The following COL15A1 variants were observed in gnomAD, a reference collection of about 807,000 sequenced individuals.
COL15A1 encodes collagen type XV alpha 1 chain.
Under a neutral mutation model 165.9 loss-of-function variants are expected in COL15A1, and 111 were observed. The observed-to-expected ratio is 0.67, with a 90% CI of 0.57 to 0.78. The LOEUF (loss-of-function observed/expected upper bound fraction) is 0.78, where lower values mean the gene tolerates loss of function less well. COL15A1 is among the 30% of genes least tolerant of loss of function. The pLI is 0.00. For synonymous variants in COL15A1, 659 were observed against 674.8 expected, an observed-to-expected ratio of 0.98 and a Z score of 0.36; for missense variants, 1,745 against 1,789.7, an observed-to-expected ratio of 0.98 and a Z score of 0.45.
rs1016086727 is a variant in COL15A1 at position 98,985,716 on chromosome 9, A to G, written c.252A>G (p.Pro84=). Residue 84 remains proline, a synonymous_variant, in exon 3 of 42, where the codon CCA becomes CCG. Transcript: ENST00000375001. ...GCCGCCCAGCCAGGACTCTCATCCC[A>G]TCCACCTTCTTCAGGGACTTCGCCA... ...NVGRPARTLI[P]STFFRDFAIS... The G allele has an allele frequency of 3.7e-6, 6 of 1,614,064 alleles. No homozygotes were observed. Among genetic ancestry groups the G allele is most frequent in the Non-Finnish European group, 5.1e-6 (6 of 1,180,038 alleles).
Position 98,989,252 on chromosome 9 carries a change from A to G in COL15A1, c.798A>G (p.Gln266=), listed in dbSNP as rs147711002. Residue 266 remains glutamine, a synonymous_variant, in exon 5 of 42, where the codon CAA becomes CAG. Transcript: ENST00000375001. ...TCTTAGAAGCCGTCACCTACACTCA[A>G]GCCTCGGTGAGTACTGGGATGCTGT... The part of the protein sequence containing the change: ...AEILEAVTYT[Q]ASPKEAKVEP... 33 of 1,612,808 alleles carry G rather than the reference A, an allele frequency of 2.0e-5. No individual in the cohort carries two copies. The Admixed American group carries it at 4.3e-4, about 21-fold the overall frequency.
intron 34 of COL15A1, 31 bp downstream of exon 34, chr9:99,055,403 C>G (rs375997980): frequency 1.2e-5 from 17 of 1,363,146 alleles, no homozygotes; most frequent in East Asian, 4.6e-5. Context: ...GTCATCTACC[C>G]CAAAGACTTA....
chr9:99,055,131 C>T lies in COL15A1; in HGVS notation c.3061C>T (p.His1021Tyr). The T allele has an allele frequency of 6.2e-7, 1 of 1,613,432 alleles. No individual in the cohort carries two copies. Among genetic ancestry groups the T allele is most frequent in the East Asian group, 2.2e-5 (1 of 44,878 alleles). The change falls in exon 33 of 42, where the codon CAC (histidine) becomes TAC (tyrosine). Residue 1021 changes from histidine (H) to tyrosine (Y), a missense_variant. By Grantham distance (83) the His-to-Tyr change is moderately conservative (BLOSUM62 2). Transcript: ENST00000375001. ...TCCACTTGATCTAGCTTACCTGAGACACTTTCTGAACAACTTGAAGGTGAG... is the reference window on the plus strand; with the variant it reads ...TCCACTTGATCTAGCTTACCTGAGATACTTTCTGAACAACTTGAAGGTGAG... ...GPPLDLAYLRHFLNNLKGENG... is the reference protein window; with the variant it reads ...GPPLDLAYLRYFLNNLKGENG...
chr9:99,024,932 CT>C lies in COL15A1; in HGVS notation c.1914del (p.Asp639MetfsTer39), dbSNP rs780159519. 1 of 1,614,006 alleles carries C rather than the reference CT, an allele frequency of 6.2e-7. No individual in the cohort carries two copies. The highest frequency in any genetic ancestry group is 8.5e-7 in the Non-Finnish European group (1 of 1,179,870). On this transcript the variant is annotated frameshift_variant, in exon 15 of 42. Coordinates refer to ENST00000375001, the MANE Select transcript of COL15A1 (RefSeq NM_001855.5). LOFTEE classifies it high-confidence loss of function. Reference sequence around the variant, plus strand: ...CCTGGGATTCCAGGAAAACCAGGAACTGATGTTTTCATGGGACCCCCTGGAT... The same window carrying C: ...CCTGGGATTCCAGGAAAACCAGGAACGATGTTTTCATGGGACCCCCTGGAT... ...GLPGIPGKPG[T>X]DVFMGPPGSP...
rs1838253776 is a variant in COL15A1 at position 98,982,889 on chromosome 9, C to CAGGAGT, written c.101-2676_101-2675insAGGAGT. Among the ~76,000 whole-genome samples the CAGGAGT allele has an allele frequency of 2.0e-5, 3 of 152,276 alleles. No homozygotes were observed. In the South Asian group the frequency reaches 6.2e-4, roughly 32 times the overall value. On this transcript the variant is annotated intron_variant, in intron 2 of 41. Coordinates refer to ENST00000375001, the MANE Select transcript of COL15A1 (RefSeq NM_001855.5). Reference sequence around the variant, plus strand: ...GCTCAAGTGATCTGCACTCCTTGGCCTCCCAAAGTGTTGGGATTACAGTTG... The same window carrying CAGGAGT: ...GCTCAAGTGATCTGCACTCCTTGGCCAGGAGTTCCCAAAGTGTTGGGATTACAGTTG...
chr9:98,961,843 T>C (rs768260959), intron 2 of COL15A1, among the ~76,000 whole-genome samples: 1 of 152,298 alleles, frequency 6.6e-6, no homozygotes, highest in South Asian at 2.1e-4. Flanking sequence ...TACCTTTACA[T>C]AGCGTAAGAG....
intron 30 of COL15A1, among the ~76,000 whole-genome samples, chr9:99,051,582 A>ACAGCT (rs1839588599): frequency 6.6e-6 from 1 of 152,216 alleles, no homozygotes; most frequent in South Asian, 2.1e-4. Flanking sequence ...CTGCAAGATA[A>ACAGCT]CAGCTTGGAG....
rs1266989030 is a variant in COL15A1 at position 99,063,091 on chromosome 9, C to T, written c.3633C>T (p.Ala1211=). The T allele has an allele frequency of 7.6e-6, 12 of 1,581,260 alleles. No individual in the cohort carries two copies. The highest frequency in any genetic ancestry group is 3.3e-4 in the Middle Eastern group (2 of 6,014). Residue 1211 remains alanine (A), a synonymous_variant, in exon 39 of 42, where the codon GCC becomes GCT. Coordinates refer to ENST00000375001, the MANE Select transcript of COL15A1 (RefSeq NM_001855.5). The part of the protein sequence containing the change: ...LLPPPNPISS[A]NYEKPALHLA... ...CTCCACCAAACCCTATTTCAAGTGC[C>T]AATTATGAGAAGCCTGCTGTAAGTA...
At chr9:98,989,027 C>G (rs1315423357) in intron 4 of COL15A1, 151 bp from the exon 5 acceptor site, 3 of 357,438 alleles carry the variant, frequency 8.4e-6, no homozygotes, top group Non-Finnish European at 1.6e-5. Flanking sequence ...CTCATAGACA[C>G]ACACACACAC....
chr9:99,006,822 A>G (rs1006267234), intron 9 of COL15A1, among the ~76,000 whole-genome samples: 4 of 152,250 alleles, frequency 2.6e-5, no homozygotes, highest in South Asian at 2.1e-4. Flanking sequence ...TAGAAGGGCT[A>G]TCTGTAGAGG....
At chr9:98,969,538 C>A (rs1211559052) in intron 2 of COL15A1, among the ~76,000 whole-genome samples, 3 of 152,214 alleles carry the variant, frequency 2.0e-5, no homozygotes, top group Non-Finnish European at 4.4e-5. Context: ...AGTGGCTGCC[C>A]AGTGGCCAGC....
At chr9:98,959,935 C>T (rs1588491299) in intron 2 of COL15A1, among the ~76,000 whole-genome samples, 1 of 152,356 alleles carries the variant, frequency 6.6e-6, no homozygotes, top group African/African-American at 2.4e-5. Context: ...GGCTCTACCA[C>T]CCTGAACTGC....
At chr9:99,015,773 T>C (rs930403385) in intron 10 of COL15A1, among the ~76,000 whole-genome samples, 3 of 152,150 alleles carry the variant, frequency 2.0e-5, no homozygotes, top group African/African-American at 7.2e-5. Context: ...TGCCCAAGAA[T>C]TTACTCAGAG....
chr9:99,035,348 A>T lies in COL15A1; in HGVS notation c.2221-2A>T. Reference sequence around the variant, plus strand: ...AAATTCTCATTCTTGCTCCTTCCCCAGGATACCGAAGGCTCTGGAAGCACC... The same window carrying T: ...AAATTCTCATTCTTGCTCCTTCCCCTGGATACCGAAGGCTCTGGAAGCACC... On this transcript the variant is annotated splice_acceptor_variant, in intron 18 of 41. Coordinates refer to ENST00000375001, the MANE Select transcript of COL15A1 (RefSeq NM_001855.5). LOFTEE classifies it high-confidence loss of function. The T allele has an allele frequency of 6.2e-7, 1 of 1,614,190 alleles. No individual in the cohort carries two copies. Among genetic ancestry groups the T allele is most frequent in the Non-Finnish European group, 8.5e-7 (1 of 1,180,034 alleles).
chr9:99,044,849 T>A (rs1839469723), intron 26 of COL15A1, 79 bp downstream of exon 26: 1 of 1,342,930 alleles, frequency 7.4e-7, no homozygotes, highest in Non-Finnish European at 1.1e-6. Flanking sequence ...TAGATTTAGT[T>A]GTCCCGGTTA....
At chr9:98,989,093 C>T (rs1178900730) in intron 4 of COL15A1, 85 bp from the exon 5 acceptor site, 8 of 974,530 alleles carry the variant, frequency 8.2e-6, no homozygotes, top group Non-Finnish European at 8.2e-6. Flanking sequence ...GTCGGTTTGT[C>T]AGTTTCTGTA....
intron 21 of COL15A1, among the ~76,000 whole-genome samples, chr9:99,036,683 G>A (rs778263904): frequency 6.6e-6 from 1 of 152,232 alleles, no homozygotes; most frequent in Non-Finnish European, 1.5e-5. Context: ...CCCCAGATAA[G>A]CAGTGCACAC....
At chr9:99,024,003 C>A (rs566254636) in intron 14 of COL15A1, among the ~76,000 whole-genome samples, 2 of 152,314 alleles carry the variant, frequency 1.3e-5, no homozygotes, top group East Asian at 1.9e-4. Flanking sequence ...CTGAAATTGC[C>A]CCCTGGGGAG....
chr9:98,962,467 T>C (rs145283930), intron 2 of COL15A1, among the ~76,000 whole-genome samples: 40 of 152,326 alleles, frequency 2.6e-4, no homozygotes, highest in African/African-American at 8.7e-4. Context: ...TGGTAATTTG[T>C]GGTGAGGAGA....
Sources: allele counts gnomAD v4.1 joint callset (sites outside exome capture counted in the v4.1 genomes callset), GRCh38; gene constraint gnomAD v4.1.1; transcripts MANE v1.5; gene names NCBI Gene and HGNC (gene_info 2026-07-23, HGNC 2026-07-21).